Variants in RICTOR observed in about 807,000 individuals in gnomAD.
The protein encoded by RICTOR is RPTOR independent companion of MTOR complex 2.
A neutral mutation model predicts 214.9 loss-of-function variants in RICTOR; 49 were observed. The ratio of observed to expected loss-of-function variants is 0.23; its 90% CI spans 0.18 to 0.29. The LOEUF is 0.29. Among genes scored for constraint, RICTOR ranks in the 10% least tolerant of loss-of-function variants. The pLI, the probability that RICTOR is intolerant of heterozygous loss-of-function variation, is 1.00. For synonymous variants in RICTOR, 717 were observed against 711.3 expected, an observed-to-expected ratio of 1.01 and a Z score of -0.13; for missense variants, 1,625 against 2,047.0, an observed-to-expected ratio of 0.79 and a Z score of 3.98.
In RICTOR at chr5:38,954,871, T is replaced by C. The variant is rs762761716; in HGVS notation, c.2610-10A>G. 1.3e-5 allele frequency: 18 copies of C among 1,386,374 alleles called. No individual in the cohort carries two copies. Among genetic ancestry groups the C allele is most frequent in the Non-Finnish European group, 9.2e-6 (9 of 979,736 alleles). 85.9% of individuals were successfully genotyped at this position (1,386,374 alleles called of 1,614,324 possible). ...GTGAGGACGCTGTAATCTAGTATAA[T>C]AAAGATGATTACTATATCTCTTGGC... On this transcript the variant is annotated splice_polypyrimidine_tract_variant and intron_variant, in intron 26 of 37. Coordinates refer to ENST00000357387, the MANE Select transcript of RICTOR (RefSeq NM_152756.5).
intron 2 of RICTOR, among the ~76,000 whole-genome samples, chr5:39,040,516 T>G (rs1757091844): frequency 6.6e-6 from 1 of 151,206 alleles, no homozygotes; most frequent in African/African-American, 2.4e-5. Flanking sequence ...GAAGCTATAA[T>G]TACTATTTTA....
rs879897068 is a variant in RICTOR at position 38,939,659 on chromosome 5, G to A, written c.*2645C>T. 5.5e-4 allele frequency: 127 copies of A among 230,708 alleles called. 5 individuals are homozygous for A. Among genetic ancestry groups the A allele is most frequent in the Admixed American group, 1.1e-3 (19 of 17,698 alleles). 14.3% of individuals were successfully genotyped at this position (230,708 alleles called of 1,614,324 possible). On this transcript the variant is annotated 3_prime_UTR_variant, in exon 38 of 38. Coordinates refer to ENST00000357387, the MANE Select transcript of RICTOR (RefSeq NM_152756.5). ...ATTAGAAATTCATAGTTTACAACCA[G>A]CACAACTGCCCAGATTCCTCCCAAT... is the stretch of plus-strand genomic sequence containing the variant.
chr5:38,978,932 A>C (rs1751465887), intron 8 of RICTOR, among the ~76,000 whole-genome samples: 1 of 152,180 alleles, frequency 6.6e-6, no homozygotes, highest in African/African-American at 2.4e-5. Context: ...CATTATAGGC[A>C]TCCTCAAAGC....
At chr5:38,990,303 G>A (rs181176282) in intron 7 of RICTOR, among the ~76,000 whole-genome samples, 1 of 151,774 alleles carries the variant, frequency 6.6e-6, no homozygotes, top group East Asian at 1.9e-4. Context: ...GAGAACACAT[G>A]GACACAGGGA....
chr5:39,030,533 G>A (rs1383389828), intron 2 of RICTOR, among the ~76,000 whole-genome samples: 1 of 152,018 alleles, frequency 6.6e-6, no homozygotes, highest in Non-Finnish European at 1.5e-5. Context: ...TTACTCTAGA[G>A]CGTTATCTGT....
intron 27 of RICTOR, 133 bp from the exon 28 acceptor site, chr5:38,953,686 T>C: frequency 2.9e-6 from 1 of 340,954 alleles, no homozygotes; most frequent in Non-Finnish European, 5.3e-6. Context: ...TAATTTTATG[T>C]AAAATTTCTT....
At chr5:38,981,344 A>T (rs1751701226) in intron 8 of RICTOR, 1 of 154,076 alleles carries the variant, frequency 6.5e-6, no homozygotes, top group Admixed American at 6.5e-5. Context: ...CTTATAAGGT[A>T]TACAGTAGCC....
At chr5:38,957,465 TA>T (rs1271462064) in intron 25 of RICTOR, among the ~76,000 whole-genome samples, 186 bp downstream of exon 25, 3 of 152,116 alleles carry the variant, frequency 2.0e-5, no homozygotes, top group African/African-American at 7.2e-5. Context: ...AACTGTAGTT[TA>T]AAAAAATGTA....
chr5:38,990,559 T>TATATACACTATATACACG (rs1752543434), intron 7 of RICTOR, among the ~76,000 whole-genome samples: 1 of 119,460 alleles, frequency 8.4e-6, no homozygotes, highest in Non-Finnish European at 1.8e-5. Flanking sequence ...ATATACACGA[T>TATATACACTATATACACG]ATATACACGA....
chr5:38,961,037 T>C (rs1329082460), intron 19 of RICTOR, among the ~76,000 whole-genome samples: 1 of 152,040 alleles, frequency 6.6e-6, no homozygotes, highest in African/African-American at 2.4e-5. Flanking sequence ...GAGGCAGTTA[T>C]AAATAACTGC....
At chr5:39,028,600 T>C (rs1231408677) in intron 2 of RICTOR, among the ~76,000 whole-genome samples, 1 of 152,224 alleles carries the variant, frequency 6.6e-6, no homozygotes, top group Non-Finnish European at 1.5e-5. Context: ...TAGAAATACA[T>C]GCCCACAAAT....
chr5:38,955,548 A>T (rs369424773), intron 26 of RICTOR, 47 bp downstream of exon 26: 76 of 1,010,884 alleles, frequency 7.5e-5, no homozygotes, highest in Non-Finnish European at 1.4e-5. Context: ...AAATGTTAAA[A>T]ATAATTTATG....
At chr5:38,976,051 C>A (rs1174600280) in intron 9 of RICTOR, among the ~76,000 whole-genome samples, 1 of 152,178 alleles carries the variant, frequency 6.6e-6, no homozygotes, top group Non-Finnish European at 1.5e-5. Flanking sequence ...CCTATATAGT[C>A]ACTGAAATGT....
rs759519794 is a variant in RICTOR, at chr5:38,949,745, G to A, written c.4103C>T (p.Ala1368Val). The A allele has an allele frequency of 1.1e-5, 18 of 1,613,166 alleles. No homozygotes were observed. In the South Asian group the frequency reaches 1.8e-4, roughly 16 times the overall value. ...VLFTDTITMK[A>V]NSFESRLTPS... is the part of the protein sequence containing the mutation. ...TGTTAATCTGGACTCAAAACTGTTG[G>A]CCTTCATGGTGATGGTATCAGTAAA... The change falls in exon 31 of 38, where the codon GCC becomes GTC. Residue 1368 changes from alanine to valine, a missense_variant. Around this residue, in one of 5 missense-constraint regions of RICTOR, gnomAD observed 1,214 missense variants for 1,470.5 expected, o/e 0.83. Coordinates refer to ENST00000357387, the MANE Select transcript of RICTOR (RefSeq NM_152756.5).
At chr5:38,984,951 C>T (rs1752043153) in intron 7 of RICTOR, among the ~76,000 whole-genome samples, 1 of 152,080 alleles carries the variant, frequency 6.6e-6, no homozygotes, top group Admixed American at 6.6e-5. Context: ...TCCCAAGTAG[C>T]TGGGACTATA....
At chr5:39,046,487 ACCT>A (rs1395275680) in intron 2 of RICTOR, among the ~76,000 whole-genome samples, 15 of 127,998 alleles carry the variant, frequency 1.2e-4, no homozygotes, top group Non-Finnish European at 2.4e-4. Context: ...ATTTATTCTT[ACCT>A]CATCATCTCC....
In RICTOR at chr5:38,991,829, C is replaced by G. The variant is rs2548802; in HGVS notation, c.457-754G>C. ...AAACAGAAAATTATGTAGCTAATTA[C>G]TGTTTAATAAATAAAGACTATTTTG... is the stretch of plus-strand genomic sequence containing the variant. On this transcript the variant is annotated intron_variant, in intron 6 of 37. Transcript: ENST00000357387. Among the ~76,000 whole-genome samples, 354 of 152,226 alleles carry G rather than the reference C, an allele frequency of 2.3e-3. 1 individual carries two copies. Among genetic ancestry groups the G allele is most frequent in the African/African-American group, 8.3e-3 (344 of 41,564 alleles).
Position 38,966,518 on chromosome 5 carries a change from A to T in RICTOR, c.1299+123T>A, listed in dbSNP as rs532443172. On this transcript the variant is annotated intron_variant, in intron 15 of 37. Coordinates refer to ENST00000357387, the MANE Select transcript of RICTOR (RefSeq NM_152756.5). ...AAGGGCTTTTTCTAATGCAAAGATAAACATTTATAAGAAATGCAAATTTAT... is the reference window on the plus strand; with the variant it reads ...AAGGGCTTTTTCTAATGCAAAGATATACATTTATAAGAAATGCAAATTTAT... The T allele has an allele frequency of 9.3e-5, 60 of 647,556 alleles. No homozygotes were observed. In the African/African-American group the frequency reaches 1.1e-3, roughly 12 times the overall value. The allele number at this position is 647,556 out of a possible 1,614,324, so 40.1% of individuals were successfully genotyped here. A position where few individuals can be genotyped will look rare whatever the true frequency, so the allele number is the denominator to read the frequency against.
Position 38,959,249 on chromosome 5 carries a change from G to C in RICTOR, c.2124C>G (p.Ser708Arg). The change falls in exon 22 of 38, where the codon AGC (serine) becomes AGG (arginine). Residue 708 changes from serine to arginine, a missense_variant. This residue lies in a region of RICTOR where 1,214 missense variants were observed against 1,470.5 expected (regional missense o/e 0.83). Transcript: ENST00000357387. The stretch of plus-strand genomic sequence containing the variant: ...GGATGACTCTAGCCAATCCATCTCT[G>C]CTATAGTCCAAGCTAGAAACAGTAA... ...LKLTVSSLDY[S>R]RDGLARVILS... 6.2e-7 allele frequency: 1 copy of C among 1,602,956 alleles called. No homozygotes were observed. Among genetic ancestry groups the C allele is most frequent in the Non-Finnish European group, 8.5e-7 (1 of 1,173,282 alleles).
Sources: allele counts gnomAD v4.1 joint callset (sites outside exome capture counted in the v4.1 genomes callset), GRCh38; gene constraint gnomAD v4.1.1; regional missense constraint gnomAD v4.1.1; transcripts MANE v1.5; gene names NCBI Gene and HGNC (gene_info 2026-07-23, HGNC 2026-07-21).